ZNF514: variants seen among roughly 807,000 people sequenced by gnomAD.
The protein encoded by ZNF514 is zinc finger protein 514.
ZNF514 carries 12 observed loss-of-function variants against 9.7 expected under a neutral mutation model. The ratio of observed to expected loss-of-function variants is 1.24; its 90% confidence interval spans 0.79 to 2.01. The LOEUF is 2.01. Ranked by LOEUF, ZNF514 falls within the 30% of genes most tolerant of loss-of-function variation. The pLI, the probability that ZNF514 is intolerant of heterozygous loss-of-function variation, is 0.00. For missense variants in ZNF514, 467 were observed against 465.5 expected (o/e 1.00, Z -0.03); for synonymous variants, 158 against 163.7 (o/e 0.97, Z 0.27).
rs1673446605 is a variant in ZNF514 at position 95,149,198 on chromosome 2, C to T, written c.*84G>A. On this transcript the variant is annotated 3_prime_UTR_variant, in exon 5 of 5. Coordinates refer to ENST00000295208, the MANE Select transcript of ZNF514 (RefSeq NM_032788.3). ...TGTGGTCTTCCCACATACATTACAC[C>T]TTTAGGATCTCTCTCTGATATGAAT... 6.8e-7 allele frequency: 1 copy of T among 1,472,026 alleles called. No individual in the cohort carries two copies. Among genetic ancestry groups the T allele is most frequent in the Non-Finnish European group, 9.1e-7 (1 of 1,099,978 alleles). The allele number at this position is 1,472,026 out of a possible 1,614,324, so 91.2% of individuals were successfully genotyped here.
Position 95,150,025 on chromosome 2 carries a change from T to A in ZNF514, c.460A>T (p.Asn154Tyr), listed in dbSNP as rs1360823507. ...AAACCTAAGCTTCTCCCAAATCCAT[T>A]CCATTTATAATCTCTGCTAAGGGTG... ...ATTLSRDYKW[N>Y]GFGRSLGLRS... The change falls in exon 5 of 5, where the codon AAT (asparagine) becomes TAT (tyrosine). Residue 154 changes from asparagine to tyrosine, a missense_variant. Asn to Tyr is a moderately radical substitution (Grantham distance 143). Coordinates refer to ENST00000295208, the MANE Select transcript of ZNF514 (RefSeq NM_032788.3). The A allele has an allele frequency of 6.2e-7, 1 of 1,614,184 alleles. No individual in the cohort carries two copies. The highest frequency in any genetic ancestry group is 8.5e-7 in the Non-Finnish European group (1 of 1,180,038).
the ZNF514 span, among the ~76,000 whole-genome samples, chr2:95,139,513 C>A: frequency 6.6e-6 from 1 of 152,174 alleles, no homozygotes; most frequent in Non-Finnish European, 1.5e-5. Context: ...GGACTGTAGC[C>A]CCTTTCTTTT....
rs372093299 is a variant in ZNF514 at position 95,156,010 on chromosome 2, CTCTT to C, written c.-7+1337_-7+1340del. 1.1e-4 allele frequency among the ~76,000 whole-genome samples: 16 copies of C among 152,354 alleles called. No individual in the cohort carries two copies. In the East Asian group the frequency reaches 1.5e-3, roughly 15 times the overall value. The stretch of plus-strand genomic sequence containing the variant: ...AAAGACAGCAGAAAGAAGAAAGGCA[CTCTT>C]TCTAACTGCGAGCCATTGAGATGTG... On this transcript the variant is annotated intron_variant, in intron 2 of 4. Transcript: ENST00000295208.
chr2:95,148,849 A>T lies in ZNF514; in HGVS notation c.*433T>A, dbSNP rs907806086. The T allele has an allele frequency of 2.5e-5, 4 of 161,068 alleles. No individual in the cohort carries two copies. The highest frequency in any genetic ancestry group is 5.4e-5 in the Non-Finnish European group (4 of 73,812). The allele number at this position is 161,068 out of a possible 1,614,324, so 10.0% of individuals were successfully genotyped here. ...AGTATGTGTTCTTGATGCTTAGTAA[A>T]GGAAGAGATACAACTGAAGATTTTT... On this transcript the variant is annotated 3_prime_UTR_variant, in exon 5 of 5. Transcript: ENST00000295208.
Position 95,153,270 on chromosome 2 carries a change from G to A in ZNF514, c.-6-11C>T, listed in dbSNP as rs749570591. The stretch of plus-strand genomic sequence containing the variant: ...AAATGTCATCAGGTCCTGAAACACA[G>A]AAGACACTCCAGTGTCCACTTATAT... On this transcript the variant is annotated splice_polypyrimidine_tract_variant and intron_variant, in intron 2 of 4. Coordinates refer to ENST00000295208, the MANE Select transcript of ZNF514 (RefSeq NM_032788.3). 7 of 1,612,906 alleles carry A rather than the reference G, an allele frequency of 4.3e-6. No homozygotes were observed. The East Asian group carries it at 1.1e-4, about 26-fold the overall frequency.
At chr2:95,130,821 T>C in the ZNF514 span, among the ~76,000 whole-genome samples, 1 of 152,218 alleles carries the variant, frequency 6.6e-6, no homozygotes, top group Non-Finnish European at 1.5e-5. Flanking sequence ...TACAGGGTCC[T>C]GGAACGATAT....
Position 95,149,041 on chromosome 2 carries a change from C to T in ZNF514, c.*241G>A. On this transcript the variant is annotated 3_prime_UTR_variant, in exon 5 of 5. Coordinates refer to ENST00000295208, the MANE Select transcript of ZNF514 (RefSeq NM_032788.3). ...TATGCATCCTCTGATCAAAGCGTTC[C>T]CACATTCATTACATTCACGTGGTTT... 1 of 492,056 alleles carries T rather than the reference C, an allele frequency of 2.0e-6. No homozygotes were observed. Among genetic ancestry groups the T allele is most frequent in the South Asian group, 4.0e-5 (1 of 24,718 alleles). 30.5% of individuals were successfully genotyped at this position (492,056 alleles called of 1,614,324 possible).
chr2:95,125,105 C>G, the ZNF514 span, among the ~76,000 whole-genome samples: 3 of 150,132 alleles, frequency 2.0e-5, no homozygotes, highest in Non-Finnish European at 3.0e-5. Context: ...TCTCAAACTC[C>G]TGACCTCAAG....
the ZNF514 span, among the ~76,000 whole-genome samples, chr2:95,125,334 G>A: frequency 6.7e-6 from 1 of 149,702 alleles, no homozygotes; most frequent in Non-Finnish European, 1.5e-5. Context: ...TCCGCCTCCT[G>A]GGTTCAAGCG....
At chr2:95,151,859 A>C (rs552588896) in intron 4 of ZNF514, among the ~76,000 whole-genome samples, 1 of 152,330 alleles carries the variant, frequency 6.6e-6, no homozygotes, top group South Asian at 2.1e-4. Flanking sequence ...TTTTGGAAGG[A>C]AAAAAGATCA....
chr2:95,127,662 G>C, the ZNF514 span, among the ~76,000 whole-genome samples: 12 of 152,058 alleles, frequency 7.9e-5, no homozygotes, highest in Non-Finnish European at 1.6e-4. Context: ...TTATTGCCCA[G>C]GCTGTAGTGC....
At chr2:95,154,397 C>G (rs964248625) in intron 2 of ZNF514, 1 of 152,248 alleles carries the variant, frequency 6.6e-6, no homozygotes, top group Non-Finnish European at 1.5e-5. Context: ...AACTGGTACT[C>G]ACAGTGGAGT....
At chr2:95,137,633 A>G in the ZNF514 span, among the ~76,000 whole-genome samples, 12 of 152,296 alleles carry the variant, frequency 7.9e-5, no homozygotes, top group Admixed American at 1.3e-4. Context: ...TGATATTTGA[A>G]TATGTTTTAG....
chr2:95,129,239 T>G, the ZNF514 span, among the ~76,000 whole-genome samples: 1 of 152,214 alleles, frequency 6.6e-6, no homozygotes, highest in African/African-American at 2.4e-5. Context: ...CTTTTTAATC[T>G]CTGGAAATTG....
the ZNF514 span, among the ~76,000 whole-genome samples, chr2:95,138,269 C>T: frequency 3.3e-5 from 5 of 152,180 alleles, no homozygotes; most frequent in Non-Finnish European, 7.4e-5. Flanking sequence ...TGGGTAACAG[C>T]GAGAGGGTGG....
At chr2:95,124,858 AT>A in the ZNF514 span, among the ~76,000 whole-genome samples, 1 of 150,764 alleles carries the variant, frequency 6.6e-6, no homozygotes, top group Non-Finnish European at 1.5e-5. Flanking sequence ...CATGTATGTG[AT>A]TTTTTGATAT....
Position 95,149,349 on chromosome 2 carries a change from C to G in ZNF514, c.1136G>C (p.Arg379Thr), listed in dbSNP as rs768587188. 1.1e-5 allele frequency: 18 copies of G among 1,613,578 alleles called. No homozygotes were observed. In the South Asian group the frequency reaches 2.0e-4, roughly 18 times the overall value. ...EKPYKCNECG[R>T]AFAHTASLIK... ...AAGGGATGCAGTATGAGCAAAGGCC[C>G]TTCCACACTCATTACATTTGTAGGG... The change falls in exon 5 of 5, where the codon AGG (arginine) becomes ACG (threonine). Residue 379 changes from arginine (R) to threonine (T), a missense_variant. Transcript: ENST00000295208.
At chr2:95,144,817 T>C (rs1673321263), downstream of ZNF514, among the ~76,000 whole-genome samples, 1 of 152,180 alleles carries the variant, frequency 6.6e-6, no homozygotes, top group Non-Finnish European at 1.5e-5. Context: ...TGTGGGCTAC[T>C]GTATCCTTAA....
At chr2:95,159,087 G>T in intron 1 of ZNF514, 153 bp downstream of exon 1, 1 of 1,132,770 alleles carries the variant, frequency 8.8e-7, no homozygotes, top group Non-Finnish European at 1.1e-6. Context: ...ACGCAGGCTG[G>T]GGCTGCCTGG....
Sources: gnomAD v4.1 joint callset for allele counts (sites outside exome capture counted in the v4.1 genomes callset) on GRCh38, gnomAD v4.1.1 for gene constraint, MANE v1.5 for transcripts, NCBI Gene and HGNC (gene_info 2026-07-23, HGNC 2026-07-21) for gene names.